Variants in TDRD9 observed in about 807,000 individuals in gnomAD.
TDRD9 encodes the protein tudor domain containing 9, also known as ATP-dependent RNA helicase TDRD9.
Under a neutral mutation model 172.6 loss-of-function variants are expected in TDRD9, and 124 were observed. The ratio of observed to expected loss-of-function variants is 0.72; its 90% CI spans 0.62 to 0.83. TDRD9 has a LOEUF of 0.83. Ranked by LOEUF, TDRD9 falls within the 40% of genes least tolerant of loss-of-function variation. TDRD9 has a pLI of 0.00. For synonymous variants in TDRD9, 619 were observed against 617.1 expected, an observed-to-expected ratio of 1.00 and a Z score of -0.05; for missense variants, 1,479 against 1,714.1, an observed-to-expected ratio of 0.86 and a Z score of 2.42.
chr14:103,945,264 C>T (rs1264983666), intron 1 of TDRD9: 4 of 152,230 alleles, frequency 2.6e-5, no homozygotes, highest in Non-Finnish European at 2.9e-5. Flanking sequence ...TTGTTTGACA[C>T]CTTTCTTGCC....
At chr14:103,944,686 C>G (rs1431758520) in intron 1 of TDRD9, among the ~76,000 whole-genome samples, 2 of 151,712 alleles carry the variant, frequency 1.3e-5, no homozygotes, top group Non-Finnish European at 2.9e-5. Context: ...GTGCCTCAGC[C>G]TCCCTCGTAG....
At position 104,052,492 on chromosome 14, in the gene TDRD9, T is replaced by A. The variant is rs2035961416; in HGVS notation, c.*410T>A. 6.6e-6 allele frequency: 1 copy of A among 152,302 alleles called. No homozygotes were observed. The allele number at this position is 152,302 out of a possible 1,614,324, so 9.4% of individuals were successfully genotyped here. A position where few individuals can be genotyped will look rare whatever the true frequency, so the allele number is the denominator to read the frequency against. ...TAAACCAGTAGTATAGGAAAAAACT[T>A]AAAAAAACAAAAAAACCATGTAGTA... is the stretch of plus-strand genomic sequence containing the variant. On this transcript the variant is annotated 3_prime_UTR_variant, in exon 36 of 36. Transcript: ENST00000409874.
intron 20 of TDRD9, among the ~76,000 whole-genome samples, chr14:104,010,644 A>T (rs1261274443): frequency 6.6e-6 from 1 of 151,718 alleles, no homozygotes; most frequent in Non-Finnish European, 1.5e-5. Context: ...ATATACTCTG[A>T]AATAATGATG....
chr14:103,993,083 C>T (rs2033933440), intron 9 of TDRD9, among the ~76,000 whole-genome samples: 1 of 152,018 alleles, frequency 6.6e-6, no homozygotes, highest in Non-Finnish European at 1.5e-5. Flanking sequence ...GATATTTCCA[C>T]CTCAGCCTCC....
At chr14:103,968,375 A>G (rs1035746925) in intron 5 of TDRD9, among the ~76,000 whole-genome samples, 8 of 152,266 alleles carry the variant, frequency 5.3e-5, no homozygotes, top group African/African-American at 1.9e-4. Flanking sequence ...GTTTACATAT[A>G]GTATCGTTTG....
Position 103,938,380 on chromosome 14 carries a change from ATATGTGTGTGTG to A in TDRD9, c.215+9658_215+9669del, listed in dbSNP as rs1253695025. 3.7e-3 allele frequency among the ~76,000 whole-genome samples: 137 copies of A among 37,246 alleles called. 3 individuals carry two copies. The South Asian group carries it at 0.072, about 20-fold the overall frequency. The allele number at this position is 37,246 out of a possible 152,430, so 24.4% of individuals were successfully genotyped here. On this transcript the variant is annotated intron_variant, in intron 1 of 35. Coordinates refer to ENST00000409874, the MANE Select transcript of TDRD9 (RefSeq NM_153046.3). ...CGTCCCCTTCCCACCTGTGCCCCATATATGTGTGTGTGTGTGTGTGTGTGTGTGTGTGTGTAT... is the reference window on the plus strand; with the variant it reads ...CGTCCCCTTCCCACCTGTGCCCCATATGTGTGTGTGTGTGTGTGTGTGTAT...
At position 104,006,837 on chromosome 14, in the gene TDRD9, G is replaced by A. The variant is rs1422973175; in HGVS notation, c.1999G>A (p.Ala667Thr). Reference protein sequence around the residue: ...SKSDCIALVEAFKTWKACRQT... With the variant: ...SKSDCIALVETFKTWKACRQT... ...GAGTGACTGTATTGCACTTGTTGAG[G>A]CATTTAAAGTAAGTTTTCTGTTGTG... Residue 667 changes from alanine (A) to threonine (T), a missense_variant, in exon 18 of 36, where the codon GCA (alanine) becomes ACA (threonine). Physicochemically the swap from Ala to Thr is moderately conservative, Grantham distance 58. Around this residue, in one of 3 missense-constraint regions of TDRD9, gnomAD observed 1,413 missense variants for 1,649.1 expected, o/e 0.86. Coordinates refer to ENST00000409874, the MANE Select transcript of TDRD9 (RefSeq NM_153046.3). 6.2e-7 allele frequency: 1 copy of A among 1,612,134 alleles called. No homozygotes were observed. The highest frequency in any genetic ancestry group is 2.2e-5 in the East Asian group (1 of 44,854).
intron 20 of TDRD9, 100 bp downstream of exon 20, chr14:104,008,566 G>C: frequency 1.3e-6 from 1 of 777,522 alleles, no homozygotes; most frequent in African/African-American, 1.7e-5. Context: ...GTAGTAATGA[G>C]TATTCCAAGA....
chr14:104,049,387 T>C (rs2035877110), intron 34 of TDRD9: 1 of 352,108 alleles, frequency 2.8e-6, no homozygotes, highest in South Asian at 4.2e-5. Flanking sequence ...GAGACAAGAC[T>C]AGGTCTTACA....
chr14:104,046,114 G>A (rs1189656358), intron 34 of TDRD9, among the ~76,000 whole-genome samples: 1 of 152,028 alleles, frequency 6.6e-6, no homozygotes, highest in African/African-American at 2.4e-5. Context: ...ACGCCACCAA[G>A]CCCAGCTGAT....
chr14:103,944,129 T>A (rs1052002449), intron 1 of TDRD9, among the ~76,000 whole-genome samples: 16 of 152,346 alleles, frequency 1.1e-4, no homozygotes, highest in Admixed American at 4.6e-4. Flanking sequence ...ATATTGGATA[T>A]GGAACTTAAG....
At chr14:103,956,080 A>T (rs1227575614) in intron 2 of TDRD9, among the ~76,000 whole-genome samples, 48 of 17,938 alleles carry the variant, frequency 2.7e-3, no homozygotes, top group Admixed American at 3.3e-3. Flanking sequence ...CCCTCTCTTT[A>T]AAAAAAAAAA....
intron 13 of TDRD9, among the ~76,000 whole-genome samples, chr14:103,999,088 C>T (rs1390053929): frequency 5.9e-5 from 9 of 152,268 alleles, no homozygotes; most frequent in Admixed American, 6.5e-5. Flanking sequence ...CCACCGTGCC[C>T]GGCCATTCAG....
intron 5 of TDRD9, among the ~76,000 whole-genome samples, chr14:103,967,119 C>A (rs2032783316): frequency 6.6e-6 from 1 of 151,962 alleles, no homozygotes. Flanking sequence ...GTTTGGGAAG[C>A]TTGACTTATT....
Position 104,049,152 on chromosome 14 carries a change from A to G in TDRD9, c.3975-456A>G, listed in dbSNP as rs1226074742. On this transcript the variant is annotated intron_variant, in intron 34 of 35. Transcript: ENST00000409874. ...TGTGTGTGTGTGTGTGTGTGTATGT[A>G]TGTATGTATGTATACAGTTTTGCCT... Among the ~76,000 whole-genome samples, 19 of 149,706 alleles carry G rather than the reference A, an allele frequency of 1.3e-4. No individual in the cohort carries two copies. In the East Asian group the frequency reaches 3.3e-3, roughly 26 times the overall value.
chr14:103,938,197 C>T (rs2030896125), intron 1 of TDRD9, among the ~76,000 whole-genome samples: 1 of 151,794 alleles, frequency 6.6e-6, no homozygotes, highest in Admixed American at 6.6e-5. Flanking sequence ...ATGGATTGGG[C>T]TGGCTAGTAA....
chr14:103,992,621 A>C (rs2033908268), intron 9 of TDRD9, among the ~76,000 whole-genome samples: 1 of 152,162 alleles, frequency 6.6e-6, no homozygotes, highest in South Asian at 2.1e-4. Context: ...TGGGAGGCCG[A>C]GGCTTAAGAA....
intron 32 of TDRD9, among the ~76,000 whole-genome samples, chr14:104,038,431 G>A (rs1465276671): frequency 6.6e-6 from 1 of 152,180 alleles, no homozygotes; most frequent in Non-Finnish European, 1.5e-5. Flanking sequence ...CTCTGTGGGT[G>A]AGGAACTATG....
intron 6 of TDRD9, among the ~76,000 whole-genome samples, chr14:103,974,821 G>A (rs748014931): frequency 6.6e-6 from 1 of 151,890 alleles, no homozygotes; most frequent in Non-Finnish European, 1.5e-5. Context: ...TAAATTTTTT[G>A]TAATGATGGG....
Sources: allele counts gnomAD v4.1 joint callset (sites outside exome capture counted in the v4.1 genomes callset), GRCh38; gene constraint gnomAD v4.1.1; regional missense constraint gnomAD v4.1.1; transcripts MANE v1.5; gene names NCBI Gene and HGNC (gene_info 2026-07-23, HGNC 2026-07-21).